Variants in VAT1L observed in about 807,000 individuals in gnomAD.
The protein encoded by VAT1L is vesicle amine transport 1 like, also known as putative NADPH-dependent quinone oxidoreductase VAT1L.
In VAT1L, 34 loss-of-function variants were observed where a neutral mutation model predicts 44.1. The ratio of observed to expected loss-of-function variants is 0.77; its 90% CI spans 0.59 to 1.03. The LOEUF is 1.03. VAT1L is among the 50% of genes least tolerant of loss of function. The pLI is 0.00. For missense variants in VAT1L, 615 were observed against 538.8 expected (o/e 1.14, Z -1.40); for synonymous variants, 253 against 202.2 (o/e 1.25, Z -2.13).
chr16:77,961,285 G>T (rs2018157250), intron 7 of VAT1L, among the ~76,000 whole-genome samples: 1 of 152,062 alleles, frequency 6.6e-6, no homozygotes, highest in South Asian at 2.1e-4. Context: ...CGGTGATCTA[G>T]CTCCTGCCCA....
intron 7 of VAT1L, among the ~76,000 whole-genome samples, chr16:77,967,735 G>A (rs1167432276): frequency 6.6e-6 from 1 of 152,190 alleles, no homozygotes; most frequent in Non-Finnish European, 1.5e-5. Context: ...TCTGGGCTCT[G>A]TCTTACTGGA....
chr16:77,870,261 C>A (rs757831451), intron 4 of VAT1L, among the ~76,000 whole-genome samples: 1 of 152,152 alleles, frequency 6.6e-6, no homozygotes, highest in South Asian at 2.1e-4. Context: ...GTGCTTGGCA[C>A]CCTGTGCAAA....
intron 1 of VAT1L, among the ~76,000 whole-genome samples, chr16:77,792,036 T>TG (rs1567462688): frequency 6.6e-6 from 1 of 152,184 alleles, no homozygotes; most frequent in Non-Finnish European, 1.5e-5. Flanking sequence ...CATATGCCCC[T>TG]GGGGGATGTG....
chr16:77,946,217 C>G (rs2017960813), intron 7 of VAT1L, among the ~76,000 whole-genome samples: 2 of 150,130 alleles, frequency 1.3e-5, no homozygotes, highest in African/African-American at 4.9e-5. Context: ...AATATTCTAA[C>G]AAACAGCTCT....
intron 7 of VAT1L, among the ~76,000 whole-genome samples, chr16:77,889,047 G>A (rs1409906632): frequency 6.6e-6 from 1 of 152,182 alleles, no homozygotes; most frequent in Non-Finnish European, 1.5e-5. Flanking sequence ...GCTCTTCTGG[G>A]CTTGAGGAGA....
At chr16:77,958,102 T>C (rs1418379291) in intron 7 of VAT1L, among the ~76,000 whole-genome samples, 1 of 152,066 alleles carries the variant, frequency 6.6e-6, no homozygotes, top group East Asian at 1.9e-4. Flanking sequence ...GAGATGAGCA[T>C]TTGCCATGTG....
intron 5 of VAT1L, among the ~76,000 whole-genome samples, chr16:77,877,908 T>C (rs1160073140): frequency 6.6e-6 from 1 of 152,156 alleles, no homozygotes; most frequent in Non-Finnish European, 1.5e-5. Context: ...GGACGTGTGG[T>C]TTATTATTAT....
At chr16:77,920,260 G>A (rs1273752256) in intron 7 of VAT1L, among the ~76,000 whole-genome samples, 4 of 152,064 alleles carry the variant, frequency 2.6e-5, no homozygotes, top group Admixed American at 2.6e-4. Context: ...GCAAATCTTG[G>A]CTGTGTCTAA....
chr16:77,811,425 A>G (rs945026071), intron 1 of VAT1L, among the ~76,000 whole-genome samples: 1 of 152,190 alleles, frequency 6.6e-6, no homozygotes, highest in South Asian at 2.1e-4. Flanking sequence ...TCCAAAAAAA[A>G]ATTCCAAACG....
At chr16:77,845,165 C>A (rs964955716) in intron 3 of VAT1L, among the ~76,000 whole-genome samples, 1 of 151,120 alleles carries the variant, frequency 6.6e-6, no homozygotes, top group Non-Finnish European at 1.5e-5. Flanking sequence ...CAGCCATATC[C>A]CCATCCCTGA....
At chr16:77,927,006 T>C (rs2017676485) in intron 7 of VAT1L, among the ~76,000 whole-genome samples, 1 of 152,084 alleles carries the variant, frequency 6.6e-6, no homozygotes, top group African/African-American at 2.4e-5. Flanking sequence ...GAAGACAACA[T>C]AACAGTCATA....
At chr16:77,910,737 TAA>T (rs1358215792) in intron 7 of VAT1L, among the ~76,000 whole-genome samples, 1 of 151,630 alleles carries the variant, frequency 6.6e-6, no homozygotes, top group African/African-American at 2.4e-5. Flanking sequence ...TCAAAACATT[TAA>T]AAGACTCTGA....
intron 3 of VAT1L, among the ~76,000 whole-genome samples, chr16:77,840,486 C>A (rs1450263503): frequency 1.3e-5 from 2 of 152,086 alleles, no homozygotes; most frequent in Non-Finnish European, 2.9e-5. Flanking sequence ...ACAAGAAAAA[C>A]AACCGATAAA....
chr16:77,939,980 A>G (rs947924712), intron 7 of VAT1L, among the ~76,000 whole-genome samples: 3 of 152,212 alleles, frequency 2.0e-5, no homozygotes, highest in Admixed American at 6.5e-5. Flanking sequence ...CAGTAATAGA[A>G]ATGAGATCAT....
rs1411779891 is a variant in VAT1L at position 77,936,469 on chromosome 16, C to G, written c.1078-35381C>G. Among the ~76,000 whole-genome samples the G allele has an allele frequency of 2.6e-5, 4 of 152,254 alleles. No individual in the cohort carries two copies. In the South Asian group the frequency reaches 8.3e-4, roughly 32 times the overall value. On this transcript the variant is annotated intron_variant, in intron 7 of 8. Transcript: ENST00000302536. ...AAAGCCAACATCAAAGAAAACGACC[C>G]AAGTGCTGGGGGACTTCTCCTTAAG...
At position 77,884,721 on chromosome 16, in the gene VAT1L, G is replaced by T; in HGVS notation, c.996G>T (p.Arg332=). 4 of 1,607,166 alleles carry T rather than the reference G, an allele frequency of 2.5e-6. No individual in the cohort carries two copies. Among genetic ancestry groups the T allele is most frequent in the Non-Finnish European group, 1.7e-6 (2 of 1,176,742 alleles). ...AACAAGGCCGGGCGGGCCTCATTCG[G>T]GGAGTGGTGGAAAAACTCATAGGGC... ...LFKQGRAGLI[R]GVVEKLIGLY... is the part of the protein sequence containing the mutation. The change falls in exon 7 of 9, where the codon CGG becomes CGT. Residue 332 remains arginine (R), a synonymous_variant. Transcript: ENST00000302536. This position sits in a 1 kb window ranked among gnomAD's most constrained non-coding sequence, Gnocchi z 4.5.
chr16:77,799,156 G>T (rs1392796137), intron 1 of VAT1L, among the ~76,000 whole-genome samples: 1 of 151,770 alleles, frequency 6.6e-6, no homozygotes, highest in African/African-American at 2.4e-5. Context: ...TTGGTCCTTT[G>T]CAAATCACAT....
intron 4 of VAT1L, among the ~76,000 whole-genome samples, chr16:77,871,085 C>G (rs1056290532): frequency 6.6e-6 from 1 of 152,078 alleles, no homozygotes; most frequent in Non-Finnish European, 1.5e-5. Flanking sequence ...AATTCTTACC[C>G]GAAGGAACAT....
chr16:77,876,638 T>A (rs1291074670), intron 5 of VAT1L, among the ~76,000 whole-genome samples, 165 bp downstream of exon 5: 1 of 152,232 alleles, frequency 6.6e-6, no homozygotes, highest in African/African-American at 2.4e-5. Flanking sequence ...TGAGTTATTT[T>A]CAATTTTAAA....
Sources: allele counts gnomAD v4.1 joint callset (sites outside exome capture counted in the v4.1 genomes callset), GRCh38; gene constraint gnomAD v4.1.1; non-coding constraint Gnocchi (gnomAD v3.1); transcripts MANE v1.5; gene names NCBI Gene and HGNC (gene_info 2026-07-23, HGNC 2026-07-21).